The following ACO1 variants were observed in gnomAD, a reference collection of about 807,000 sequenced individuals.
ACO1 encodes the protein aconitase 1, also known as cytoplasmic aconitate hydratase.
Under a neutral mutation model 105.1 loss-of-function variants are expected in ACO1, and 78 were observed. The observed-to-expected ratio is 0.74, with a 90% confidence interval of 0.62 to 0.90. The LOEUF (loss-of-function observed/expected upper bound fraction) is 0.90. Ranked by LOEUF, ACO1 falls within the 40% of genes least tolerant of loss-of-function variation. The pLI is 0.00. For missense variants in ACO1, 965 were observed against 1,111.1 expected, an observed-to-expected ratio of 0.87 and a Z score of 1.87; for synonymous variants, 364 against 397.4, an observed-to-expected ratio of 0.92 and a Z score of 1.00.
Position 32,450,307 on chromosome 9 carries a change from C to T in ACO1, c.*196C>T. 3 of 673,308 alleles carry T rather than the reference C, an allele frequency of 4.5e-6. No individual in the cohort carries two copies. Among genetic ancestry groups the T allele is most frequent in the Non-Finnish European group, 8.3e-6 (3 of 361,726 alleles). 41.7% of individuals were successfully genotyped at this position (673,308 alleles called of 1,614,324 possible). A position where few individuals can be genotyped will look rare whatever the true frequency, so the allele number is the denominator to read the frequency against. Reference sequence around the variant, plus strand: ...TACATTCTCTATTTTTGTTAATCATCTTCTCTTTTTCCAGAATTTGGAAGC... The same window carrying T: ...TACATTCTCTATTTTTGTTAATCATTTTCTCTTTTTCCAGAATTTGGAAGC... On this transcript the variant is annotated 3_prime_UTR_variant, in exon 21 of 21. Coordinates refer to ENST00000309951, the MANE Select transcript of ACO1 (RefSeq NM_002197.3).
intron 1 of ACO1, among the ~76,000 whole-genome samples, chr9:32,404,377 G>C (rs72710641): frequency 0.014 from 2,093 of 152,212 alleles, 21 homozygotes; most frequent in Middle Eastern, 0.024. Context: ...TTGCCCGCCT[G>C]GTTACCTGCC....
chr9:32,397,594 A>T (rs1342292668), intron 1 of ACO1, among the ~76,000 whole-genome samples: 1 of 152,234 alleles, frequency 6.6e-6, no homozygotes, highest in Non-Finnish European at 1.5e-5. Flanking sequence ...TATAAGTAGC[A>T]TGATGTTTAG....
chr9:32,419,102 G>C lies in ACO1; in HGVS notation c.723G>C (p.Gln241His), dbSNP rs143208912. Residue 241 changes from glutamine (Q) to histidine (H), a missense_variant, in exon 7 of 21, where the codon CAG becomes CAC. Gln to His is a conservative substitution (Grantham distance 24). Coordinates refer to ENST00000309951, the MANE Select transcript of ACO1 (RefSeq NM_002197.3). ...LGQPISMVLP[Q>H]VIGYRLMGKP... ...AGCCAATCAGTATGGTGCTTCCTCAGGTGATTGGCTACAGGCTGATGGGGA... is the reference window on the plus strand; with the variant it reads ...AGCCAATCAGTATGGTGCTTCCTCACGTGATTGGCTACAGGCTGATGGGGA... 3.7e-6 allele frequency: 6 copies of C among 1,609,748 alleles called. No individual in the cohort carries two copies. The highest frequency in any genetic ancestry group is 5.1e-6 in the Non-Finnish European group (6 of 1,177,932).
chr9:32,411,738 G>A (rs768695999), intron 4 of ACO1, among the ~76,000 whole-genome samples: 2 of 152,134 alleles, frequency 1.3e-5, no homozygotes, highest in Non-Finnish European at 2.9e-5. Flanking sequence ...GGTGTTATAA[G>A]GGAGACACTT....
intron 4 of ACO1, among the ~76,000 whole-genome samples, chr9:32,413,660 T>G (rs1209940464): frequency 6.6e-6 from 1 of 152,144 alleles, no homozygotes; most frequent in South Asian, 2.1e-4. Context: ...TTCCAGCTCT[T>G]TCTGGAAATG....
chr9:32,450,447 A>C lies in ACO1; in HGVS notation c.*336A>C. 1 of 366,470 alleles carries C rather than the reference A, an allele frequency of 2.7e-6. No individual in the cohort carries two copies. The highest frequency in any genetic ancestry group is 5.3e-6 in the Non-Finnish European group (1 of 189,204). The allele number at this position is 366,470 out of a possible 1,614,324, so 22.7% of individuals were successfully genotyped here. On this transcript the variant is annotated 3_prime_UTR_variant, in exon 21 of 21. Coordinates refer to ENST00000309951, the MANE Select transcript of ACO1 (RefSeq NM_002197.3). ...TTCCTATTAATCTTCAGCTGAACAC[A>C]AGCAAACCTTCTCAGGAGGTGTCTC...
intron 10 of ACO1, 52 bp downstream of exon 10, chr9:32,424,717 GT>G: frequency 8.1e-7 from 1 of 1,229,628 alleles, no homozygotes; most frequent in Non-Finnish European, 1.2e-6. Flanking sequence ...CTCTTGCCTG[GT>G]TACTCAGCGT....
chr9:32,426,032 A>C, intron 11 of ACO1, 35 bp downstream of exon 11: 1 of 1,604,214 alleles, frequency 6.2e-7, no homozygotes, highest in Non-Finnish European at 8.5e-7. Context: ...ATGGTCATAC[A>C]TGTGTGTAGG....
chr9:32,418,958 G>T, intron 6 of ACO1, 80 bp from the exon 7 acceptor site: 1 of 1,441,898 alleles, frequency 6.9e-7, no homozygotes, highest in East Asian at 2.5e-5. Flanking sequence ...TTTATTACCT[G>T]TTAATGTCAC....
intron 12 of ACO1, among the ~76,000 whole-genome samples, chr9:32,428,985 T>C (rs777674892): frequency 2.0e-5 from 3 of 152,246 alleles, no homozygotes; most frequent in Non-Finnish European, 4.4e-5. Context: ...CATTTGGGTA[T>C]ATGTGGTCTA....
chr9:32,388,339 G>A (rs1440938870), intron 1 of ACO1, among the ~76,000 whole-genome samples: 2 of 151,998 alleles, frequency 1.3e-5, no homozygotes, highest in South Asian at 2.1e-4. Flanking sequence ...GACCAACCTG[G>A]GCAACATGAC....
chr9:32,393,153 T>G (rs1821301583), intron 1 of ACO1, among the ~76,000 whole-genome samples: 1 of 152,226 alleles, frequency 6.6e-6, no homozygotes, highest in Admixed American at 6.5e-5. Flanking sequence ...AAACTCTGAC[T>G]GCCGGTGAGC....
intron 17 of ACO1, among the ~76,000 whole-genome samples, chr9:32,435,329 C>CT (rs1450366751): frequency 6.6e-6 from 1 of 152,250 alleles, no homozygotes; most frequent in East Asian, 1.9e-4. Flanking sequence ...ATCCAAATGC[C>CT]TTTTTTCTAT....
chr9:32,425,314 G>C (rs1822064614), intron 10 of ACO1, among the ~76,000 whole-genome samples: 1 of 152,176 alleles, frequency 6.6e-6, no homozygotes, highest in Admixed American at 6.5e-5. Context: ...TGATTAAGAT[G>C]TATGATGGAT....
Position 32,424,551 on chromosome 9 carries a change from T to C in ACO1, c.1074T>C (p.Val358=). 1 of 1,607,750 alleles carries C rather than the reference T, an allele frequency of 6.2e-7. No homozygotes were observed. Among genetic ancestry groups the C allele is most frequent in the Non-Finnish European group, 8.5e-7 (1 of 1,175,154 alleles). The part of the protein sequence containing the change: ...DPSQDPDFTQ[V]VELDLKTVVP... ...TTTCTTTTCTTTGGGGTCAACAGGT[T>C]GTGGAATTAGATTTGAAAACAGTAG... The change falls in exon 10 of 21, where the codon GTT becomes GTC. Residue 358 remains valine, a splice_region_variant and synonymous_variant. Coordinates refer to ENST00000309951, the MANE Select transcript of ACO1 (RefSeq NM_002197.3).
chr9:32,407,373 G>A lies in ACO1; in HGVS notation c.210G>A (p.Gln70=), dbSNP rs1177675137. 1 of 1,614,124 alleles carries A rather than the reference G, an allele frequency of 6.2e-7. No individual in the cohort carries two copies. The highest frequency in any genetic ancestry group is 1.7e-5 in the Admixed American group (1 of 60,008). Residue 70 remains glutamine (Q), a synonymous_variant, in exon 3 of 21, where the codon CAG becomes CAA. Transcript: ENST00000309951. ...ATATTCTACATTGGAATGTCACGCA[G>A]CACAAGAACATAGAAGTGCCATTTA... The part of the protein sequence containing the change: ...IENILHWNVT[Q]HKNIEVPFKP...
At chr9:32,434,435 T>G (rs1822308985) in intron 16 of ACO1, 124 bp from the exon 17 acceptor site, 1 of 1,118,966 alleles carries the variant, frequency 8.9e-7, no homozygotes, top group Admixed American at 2.3e-5. Context: ...AACACTAGAA[T>G]TTTCTGTGCA....
At chr9:32,435,175 T>C (rs1822328663) in intron 17 of ACO1, among the ~76,000 whole-genome samples, 1 of 152,218 alleles carries the variant, frequency 6.6e-6, no homozygotes. Flanking sequence ...TATCAACTAC[T>C]GTCTCATATA....
chr9:32,391,948 CATAA>C (rs1821275941), intron 1 of ACO1, among the ~76,000 whole-genome samples: 1 of 152,130 alleles, frequency 6.6e-6, no homozygotes, highest in Admixed American at 6.5e-5. Flanking sequence ...TGTTATGTTT[CATAA>C]ACCCTTATTT....
Sources: gnomAD v4.1 joint callset for allele counts (sites outside exome capture counted in the v4.1 genomes callset) on GRCh38, gnomAD v4.1.1 for gene constraint, MANE v1.5 for transcripts, NCBI Gene and HGNC (gene_info 2026-07-23, HGNC 2026-07-21) for gene names.